Variants in STK32B observed in about 807,000 individuals in gnomAD.
STK32B encodes serine/threonine-protein kinase 32B.
STK32B carries 43 observed loss-of-function variants against 52.6 expected under a neutral mutation model. The observed-to-expected ratio is 0.82, with a 90% CI of 0.64 to 1.05. The LOEUF is 1.05. STK32B is among the 50% of genes least tolerant of loss of function. The pLI is 0.00. For synonymous variants in STK32B, 238 were observed against 204.3 expected, an observed-to-expected ratio of 1.17 and a Z score of -1.41; for missense variants, 621 against 534.6, an observed-to-expected ratio of 1.16 and a Z score of -1.59.
At chr4:5,124,392 C>G (rs12649665) in intron 1 of STK32B, among the ~76,000 whole-genome samples, 12,196 of 152,174 alleles carry the variant, frequency 0.08, 683 homozygotes, top group Admixed American at 0.18. Context: ...TTCTTGGCCC[C>G]CAGCCCATTG....
At chr4:5,418,362 C>T (rs1363869221) in intron 6 of STK32B, among the ~76,000 whole-genome samples, 1 of 152,154 alleles carries the variant, frequency 6.6e-6, no homozygotes, top group African/African-American at 2.4e-5. Context: ...ATATCATATG[C>T]ATGAGTTTTA....
At chr4:5,447,233 A>C (rs538185189) in intron 7 of STK32B, 2 of 155,746 alleles carry the variant, frequency 1.3e-5, no homozygotes, top group African/African-American at 2.4e-5. Context: ...ACATTCAATC[A>C]ATACGTATTT....
At chr4:5,191,479 C>A (rs1721196165) in intron 3 of STK32B, among the ~76,000 whole-genome samples, 1 of 152,064 alleles carries the variant, frequency 6.6e-6, no homozygotes, top group African/African-American at 2.4e-5. Context: ...TGGTCTCAAT[C>A]TCCTGACCTC....
chr4:5,312,867 C>T (rs1026099188), intron 3 of STK32B, among the ~76,000 whole-genome samples: 1 of 152,078 alleles, frequency 6.6e-6, no homozygotes, highest in Non-Finnish European at 1.5e-5. Flanking sequence ...GCCACAGTGA[C>T]TTCCACAATG....
chr4:5,102,029 A>G (rs1264665844), intron 1 of STK32B, among the ~76,000 whole-genome samples: 1 of 152,094 alleles, frequency 6.6e-6, no homozygotes, highest in Admixed American at 6.5e-5. Context: ...TCCTGGCTCA[A>G]ACAATAAAGT....
intron 1 of STK32B, among the ~76,000 whole-genome samples, chr4:5,083,306 T>A (rs907707751): frequency 3.3e-5 from 5 of 152,204 alleles, no homozygotes; most frequent in African/African-American, 1.2e-4. Flanking sequence ...TTGGGAGATA[T>A]TTTCATTTTG....
intron 1 of STK32B, among the ~76,000 whole-genome samples, chr4:5,123,491 G>A (rs1268583032): frequency 6.6e-6 from 1 of 152,152 alleles, no homozygotes; most frequent in Non-Finnish European, 1.5e-5. Context: ...AAGTGTCACA[G>A]CCTGGGGGGC....
chr4:5,328,291 C>T (rs1036321954), intron 3 of STK32B, among the ~76,000 whole-genome samples: 1 of 152,156 alleles, frequency 6.6e-6, no homozygotes, highest in Admixed American at 6.5e-5. Flanking sequence ...ATAACTTGGC[C>T]AACTTTATGT....
chr4:5,102,715 T>A (rs1713877405), intron 1 of STK32B, among the ~76,000 whole-genome samples: 1 of 151,158 alleles, frequency 6.6e-6, no homozygotes, highest in Admixed American at 6.6e-5. Context: ...TTTTTGTTTT[T>A]AATTTTTAGT....
chr4:5,261,599 A>T (rs1726716717), intron 3 of STK32B, among the ~76,000 whole-genome samples: 1 of 152,248 alleles, frequency 6.6e-6, no homozygotes, highest in Admixed American at 6.5e-5. Flanking sequence ...AGGTTTAATA[A>T]CTTGCCTAAG....
At chr4:5,290,780 C>T (rs992920949) in intron 3 of STK32B, among the ~76,000 whole-genome samples, 5 of 152,032 alleles carry the variant, frequency 3.3e-5, no homozygotes, top group African/African-American at 9.6e-5. Flanking sequence ...AGAAAATATT[C>T]ATGGATCAAA....
chr4:5,036,714 C>T, the STK32B span, among the ~76,000 whole-genome samples: 2 of 121,532 alleles, frequency 1.6e-5, no homozygotes, highest in Non-Finnish European at 3.2e-5. Flanking sequence ...GTCATCCAGG[C>T]TGGAGTGCCG....
At chr4:5,237,615 G>T (rs1724719470) in intron 3 of STK32B, among the ~76,000 whole-genome samples, 1 of 152,182 alleles carries the variant, frequency 6.6e-6, no homozygotes, top group Admixed American at 6.5e-5. Context: ...AAAGAGAAAT[G>T]GAAATCTGTG....
At chr4:5,323,393 C>A (rs1430095615) in intron 3 of STK32B, among the ~76,000 whole-genome samples, 3 of 152,150 alleles carry the variant, frequency 2.0e-5, no homozygotes, top group African/African-American at 4.8e-5. Flanking sequence ...CCCGAGGGGA[C>A]TGTGCTGAGC....
rs1006326851 is a variant in STK32B, at chr4:5,399,117, A to C, written c.472+873A>C. On this transcript the variant is annotated intron_variant, in intron 5 of 11. Transcript: ENST00000282908. This position sits in a 1 kb window ranked among gnomAD's most constrained non-coding sequence, Gnocchi z 5.4. ...TGGACTTGACAATCAATTGTGGCTG[A>C]TGCCAACAGGAGACTTACAGCCTTC... Among the ~76,000 whole-genome samples, 2 of 152,230 alleles carry C rather than the reference A, an allele frequency of 1.3e-5. No individual in the cohort carries two copies. Among genetic ancestry groups the C allele is most frequent in the African/African-American group, 2.4e-5 (1 of 41,466 alleles).
chr4:5,405,974 A>G (rs1356546350), intron 5 of STK32B, among the ~76,000 whole-genome samples: 4 of 152,306 alleles, frequency 2.6e-5, no homozygotes, highest in South Asian at 2.1e-4. Context: ...GCATTAACTC[A>G]AAAGTCCAAA....
chr4:5,228,758 A>G (rs905274946), intron 3 of STK32B, among the ~76,000 whole-genome samples: 6 of 152,190 alleles, frequency 3.9e-5, no homozygotes, highest in Non-Finnish European at 8.8e-5. Flanking sequence ...ACCTGAGGTC[A>G]AGAGTTTGAG....
At chr4:5,134,299 G>T (rs920602448) in intron 1 of STK32B, among the ~76,000 whole-genome samples, 3 of 152,172 alleles carry the variant, frequency 2.0e-5, no homozygotes, top group Admixed American at 6.5e-5. Flanking sequence ...AGGTGATTAG[G>T]CCATGAAATC....
At chr4:5,210,419 T>G (rs2108785291) in intron 3 of STK32B, among the ~76,000 whole-genome samples, 1 of 152,338 alleles carries the variant, frequency 6.6e-6, no homozygotes, top group South Asian at 2.1e-4. Flanking sequence ...CATCCATCTC[T>G]GCACATTCAC....
Sources: allele counts gnomAD v4.1 joint callset (sites outside exome capture counted in the v4.1 genomes callset), GRCh38; gene constraint gnomAD v4.1.1; non-coding constraint Gnocchi (gnomAD v3.1); transcripts MANE v1.5; gene names NCBI Gene and HGNC (gene_info 2026-07-23, HGNC 2026-07-21).